The following ANKRD44 variants were observed in gnomAD, a reference collection of about 807,000 sequenced individuals.
ANKRD44 encodes the protein serine/threonine-protein phosphatase 6 regulatory ankyrin repeat subunit B.
In ANKRD44, 35 loss-of-function variants were observed where a neutral mutation model predicts 116.0. The ratio of observed to expected loss-of-function variants is 0.30; its 90% CI spans 0.23 to 0.40. The LOEUF is 0.40. ANKRD44 is among the 10% of genes least tolerant of loss of function. ANKRD44 has a pLI of 1.00. For missense variants in ANKRD44, 1,014 were observed against 1,242.6 expected, an observed-to-expected ratio of 0.82 and a Z score of 2.77; for synonymous variants, 435 against 461.8, an observed-to-expected ratio of 0.94 and a Z score of 0.74.
chr2:197,050,044 G>A (rs971127413), intron 16 of ANKRD44, among the ~76,000 whole-genome samples: 1 of 152,166 alleles, frequency 6.6e-6, no homozygotes, highest in Admixed American at 6.5e-5. Context: ...CAAGAAGCAT[G>A]AGGCTGGCAT....
At chr2:197,066,275 T>C (rs1184956409) in intron 16 of ANKRD44, among the ~76,000 whole-genome samples, 1 of 152,190 alleles carries the variant, frequency 6.6e-6, no homozygotes, top group Admixed American at 6.5e-5. Context: ...AATTAGGTAT[T>C]GATGGGACAT....
intron 17 of ANKRD44, among the ~76,000 whole-genome samples, chr2:197,019,749 G>A (rs950356602): frequency 6.6e-6 from 1 of 151,796 alleles, no homozygotes; most frequent in African/African-American, 2.4e-5. Context: ...TACCTTTCAC[G>A]CAGTTTGAGT....
Position 196,988,532 on chromosome 2 carries a change from T to C in ANKRD44, c.*1059A>G. ...CATTTGTGAAGAACCCAACAGGAGT[T>C]TTAATTAAATCCAGGATATTAAGAG... On this transcript the variant is annotated 3_prime_UTR_variant, in exon 28 of 28. Coordinates refer to ENST00000282272, the MANE Select transcript of ANKRD44 (RefSeq NM_001195144.2). 1 of 985,320 alleles carries C rather than the reference T, an allele frequency of 1.0e-6. No homozygotes were observed. The highest frequency in any genetic ancestry group is 1.2e-6 in the Non-Finnish European group (1 of 829,826). 61.0% of individuals were successfully genotyped at this position (985,320 alleles called of 1,614,324 possible).
intron 1 of ANKRD44, among the ~76,000 whole-genome samples, chr2:197,214,529 C>T (rs532795871): frequency 1.8e-3 from 277 of 152,164 alleles, no homozygotes; most frequent in African/African-American, 6.6e-3. Flanking sequence ...AGAAAAAAGA[C>T]CAAGTCAGTA....
intron 2 of ANKRD44, among the ~76,000 whole-genome samples, 186 bp from the exon 3 acceptor site, chr2:197,147,291 G>A (rs2079529571): frequency 6.6e-6 from 1 of 152,052 alleles, no homozygotes; most frequent in African/African-American, 2.4e-5. Context: ...ACATAACAAA[G>A]CATTCCATTT....
intron 1 of ANKRD44, among the ~76,000 whole-genome samples, chr2:197,274,697 C>A (rs2083022630): frequency 6.6e-6 from 1 of 152,182 alleles, no homozygotes; most frequent in South Asian, 2.1e-4. Context: ...TTAGCATCTT[C>A]TTCTAGAGAA....
intron 16 of ANKRD44, among the ~76,000 whole-genome samples, chr2:197,076,783 G>T (rs980521787): frequency 2.0e-5 from 3 of 151,480 alleles, no homozygotes; most frequent in African/African-American, 7.3e-5. Context: ...GTGTTTGTTT[G>T]CTAAAGATTA....
chr2:197,085,732 T>C (rs2077906060), intron 13 of ANKRD44, among the ~76,000 whole-genome samples: 1 of 152,124 alleles, frequency 6.6e-6, no homozygotes, highest in Admixed American at 6.6e-5. Context: ...ACCGTAAAAA[T>C]GGGCCACCAG....
At chr2:196,979,554 C>CCTTTTTTTTT (rs2075785197) in intron 21 of ANKRD44, among the ~76,000 whole-genome samples, 13 of 59,644 alleles carry the variant, frequency 2.2e-4, no homozygotes, top group African/African-American at 8.3e-4. Flanking sequence ...AATAAGATGA[C>CCTTTTTTTTT]TTTTTTTTTT....
At chr2:196,979,111 C>T (rs920965636) in intron 21 of ANKRD44, among the ~76,000 whole-genome samples, 6 of 151,960 alleles carry the variant, frequency 3.9e-5, no homozygotes, top group Middle Eastern at 3.2e-3. Context: ...ATAGCATCTG[C>T]AGGCGCCAGG....
intron 1 of ANKRD44, among the ~76,000 whole-genome samples, chr2:197,258,568 T>C (rs770951941): frequency 6.6e-6 from 1 of 152,238 alleles, no homozygotes; most frequent in Non-Finnish European, 1.5e-5. Flanking sequence ...TAATATCTGT[T>C]CACCTCTCTG....
chr2:196,967,938 T>TCTCTCA (rs1332377443), intron 21 of ANKRD44, among the ~76,000 whole-genome samples: 1 of 151,818 alleles, frequency 6.6e-6, no homozygotes, highest in African/African-American at 2.4e-5. Context: ...TCTCTCTCTC[T>TCTCTCA]CTCACTTGCT....
intron 1 of ANKRD44, among the ~76,000 whole-genome samples, chr2:197,283,272 A>G (rs143166961): frequency 1.4e-4 from 22 of 152,320 alleles, no homozygotes; most frequent in African/African-American, 5.1e-4. Flanking sequence ...AACCTATTAA[A>G]TTTTTTAAAG....
In ANKRD44 at chr2:196,974,005, T is replaced by C. The variant is rs150950964; in HGVS notation, c.2369-6559A>G. ...ATACAAAGTATATTCTCTTGCCATA[T>C]GGAATGAAAGTAGAAATCAGTACGA... On this transcript the variant is annotated intron_variant, in intron 21 of 21. Transcript: ENST00000424317. Among the ~76,000 whole-genome samples, 382 of 152,280 alleles carry C rather than the reference T, an allele frequency of 2.5e-3. 1 individual carries two copies. The highest frequency in any genetic ancestry group is 3.9e-3 in the Non-Finnish European group (268 of 68,014).
In ANKRD44 at chr2:196,998,980, T is replaced by G; in HGVS notation, c.2592A>C (p.Pro864=). 6.2e-7 allele frequency: 1 copy of G among 1,614,244 alleles called. No individual in the cohort carries two copies. Among genetic ancestry groups the G allele is most frequent in the Non-Finnish European group, 8.5e-7 (1 of 1,180,038 alleles). Residue 864 remains proline (P), a synonymous_variant, in exon 24 of 28, where the codon CCA becomes CCC. Transcript: ENST00000282272. ...CLQLLLRHSA[P]VNAVDNSGKT... is the part of the protein sequence containing the mutation. Reference sequence around the variant, plus strand: ...TCCCTGAATTATCTACTGCGTTCACTGGAGCACTGTGTCTCAGAAGAAGCT... The same window carrying G: ...TCCCTGAATTATCTACTGCGTTCACGGGAGCACTGTGTCTCAGAAGAAGCT...
At chr2:197,040,044 T>C in intron 16 of ANKRD44, among the ~76,000 whole-genome samples, 1 of 151,870 alleles carries the variant, frequency 6.6e-6, no homozygotes, top group East Asian at 1.9e-4. Flanking sequence ...CTGGCCAATA[T>C]GGTGAAACCC....
chr2:196,974,014 A>C (rs1028667505), intron 21 of ANKRD44, among the ~76,000 whole-genome samples: 1 of 152,238 alleles, frequency 6.6e-6, no homozygotes. Flanking sequence ...ATGGAATGAA[A>C]GTAGAAATCA....
intron 1 of ANKRD44, among the ~76,000 whole-genome samples, chr2:197,243,021 G>A (rs755042830): frequency 1.3e-5 from 2 of 152,186 alleles, no homozygotes; most frequent in Non-Finnish European, 2.9e-5. Context: ...ATGTTGCCCT[G>A]CCTAATTACA....
In ANKRD44 at chr2:196,971,498, C is replaced by T. The variant is rs115912217; in HGVS notation, c.2369-4052G>A. On this transcript the variant is annotated intron_variant, in intron 21 of 21. Transcript: ENST00000424317. ...TAGTCTCCTGAGTAGCTGGGAGTAC[C>T]GGCATGTGCCACCATGCCCCACATT... Among the ~76,000 whole-genome samples the T allele has an allele frequency of 9.3e-3, 1,416 of 152,172 alleles. 27 individuals are homozygous for T. Among genetic ancestry groups the T allele is most frequent in the African/African-American group, 0.032 (1,340 of 41,512 alleles).
Sources: gnomAD v4.1 joint callset for allele counts (sites outside exome capture counted in the v4.1 genomes callset) on GRCh38, gnomAD v4.1.1 for gene constraint, MANE v1.5 for transcripts, NCBI Gene and HGNC (gene_info 2026-07-23, HGNC 2026-07-21) for gene names.